The following KIAA0586 variants were observed in gnomAD, a reference collection of about 807,000 sequenced individuals.
The protein encoded by KIAA0586 is KIAA0586.
Under a neutral mutation model 169.8 loss-of-function variants are expected in KIAA0586, and 144 were observed. That is an observed-to-expected ratio of 0.85 (90% CI 0.74 to 0.97). The LOEUF (loss-of-function observed/expected upper bound fraction) is 0.97, where lower values mean the gene tolerates loss of function less well. Ranked by LOEUF, KIAA0586 falls within the 50% of genes least tolerant of loss-of-function variation. The pLI is 0.00. For missense variants in KIAA0586, 1,854 were observed against 1,823.0 expected (o/e 1.02, Z -0.31); for synonymous variants, 625 against 612.4 (o/e 1.02, Z -0.30).
chr14:58,548,025 G>A lies in KIAA0586; in HGVS notation c.*93G>A, dbSNP rs755277215. The A allele has an allele frequency of 1.4e-6, 2 of 1,392,958 alleles. No homozygotes were observed. The highest frequency in any genetic ancestry group is 1.9e-6 in the Non-Finnish European group (2 of 1,040,732). The allele number at this position is 1,392,958 out of a possible 1,614,324, so 86.3% of individuals were successfully genotyped here. On this transcript the variant is annotated 3_prime_UTR_variant, in exon 31 of 31. Coordinates refer to ENST00000652326, the MANE Select transcript of KIAA0586 (RefSeq NM_001329943.3). ...CCCTCTCTCAGACTGTTTGGTTTTT[G>A]AGCATATTCTGAAAAAAAAATTCCA...
At chr14:58,480,164 C>T (rs1390988982) in intron 20 of KIAA0586, among the ~76,000 whole-genome samples, 1 of 151,990 alleles carries the variant, frequency 6.6e-6, no homozygotes, top group Admixed American at 6.6e-5. Flanking sequence ...GGTTGGCCTT[C>T]TTTTGCCCTC....
chr14:58,482,978 T>C lies in KIAA0586; in HGVS notation c.3144+266T>C, dbSNP rs2147607. On this transcript the variant is annotated intron_variant, in intron 21 of 30. Coordinates refer to ENST00000652326, the MANE Select transcript of KIAA0586 (RefSeq NM_001329943.3). ...CCTTGTTGCTATGATTAAAGTAACGTTTCCCCCAGCATTTTATTTTAAAAA... is the reference window on the plus strand; with the variant it reads ...CCTTGTTGCTATGATTAAAGTAACGCTTCCCCCAGCATTTTATTTTAAAAA... Among the ~76,000 whole-genome samples the C allele has an allele frequency of 2.6e-3, 395 of 152,282 alleles. 1 individual carries two copies. The highest frequency in any genetic ancestry group is 0.011 in the East Asian group (55 of 5,180).
In KIAA0586 at chr14:58,488,493, T is replaced by G. The variant is rs186204242; in HGVS notation, c.3528-128T>G. On this transcript the variant is annotated intron_variant, in intron 23 of 30. Transcript: ENST00000652326. ...AACAACTTTTAAAAATCTTGTTAATTATAGTAGTGCAGATTTAAAAAAATA... is the reference window on the plus strand; with the variant it reads ...AACAACTTTTAAAAATCTTGTTAATGATAGTAGTGCAGATTTAAAAAAATA... The G allele has an allele frequency of 2.4e-5, 24 of 1,013,454 alleles. 1 individual carries two copies. The Admixed American group carries it at 5.9e-4, about 25-fold the overall frequency. The allele number at this position is 1,013,454 out of a possible 1,614,324, so 62.8% of individuals were successfully genotyped here. A position where few individuals can be genotyped will look rare whatever the true frequency, so the allele number is the denominator to read the frequency against.
chr14:58,430,637 A>G lies in KIAA0586; in HGVS notation c.271-11A>G, dbSNP rs752733321. On this transcript the variant is annotated splice_polypyrimidine_tract_variant and intron_variant, in intron 2 of 30. Coordinates refer to ENST00000652326, the MANE Select transcript of KIAA0586 (RefSeq NM_001329943.3). ...TTTATTTAGCCTATTTCTTCCTTTCATATCCCAAAGGATTTTTCTAAAGAC... is the reference window on the plus strand; with the variant it reads ...TTTATTTAGCCTATTTCTTCCTTTCGTATCCCAAAGGATTTTTCTAAAGAC... 28 of 1,563,250 alleles carry G rather than the reference A, an allele frequency of 1.8e-5. No homozygotes were observed. In the Admixed American group the frequency reaches 4.5e-4, roughly 25 times the overall value.
At chr14:58,477,096 C>G in intron 19 of KIAA0586, 27 bp from the exon 20 acceptor site, 1 of 1,279,306 alleles carries the variant, frequency 7.8e-7, no homozygotes, top group Non-Finnish European at 1.1e-6. Context: ...GGAATCTTAA[C>G]TTTTATCTGC....
At chr14:58,520,601 A>G (rs556427789) in intron 29 of KIAA0586, among the ~76,000 whole-genome samples, 17 of 152,168 alleles carry the variant, frequency 1.1e-4, no homozygotes, top group Admixed American at 9.8e-4. Context: ...GGCTCACTGC[A>G]GCCTCTGACC....
chr14:58,521,799 A>C, intron 29 of KIAA0586: 1 of 814,690 alleles, frequency 1.2e-6, no homozygotes, highest in Non-Finnish European at 2.2e-6. Flanking sequence ...CAGTAGTTCC[A>C]TGAAGAAAGA....
intron 26 of KIAA0586, among the ~76,000 whole-genome samples, chr14:58,493,673 TTAAAA>T (rs2042967221): frequency 6.6e-6 from 1 of 152,212 alleles, no homozygotes; most frequent in Non-Finnish European, 1.5e-5. Context: ...CCTTCTGAAT[TTAAAA>T]TAATTAAATT....
chr14:58,502,557 T>C (rs2043644743), intron 27 of KIAA0586, among the ~76,000 whole-genome samples: 1 of 152,138 alleles, frequency 6.6e-6, no homozygotes, highest in South Asian at 2.1e-4. Context: ...AAGGTGTAGA[T>C]ACCAGGAGGG....
Position 58,439,419 on chromosome 14 carries a change from C to A in KIAA0586, c.411-3287C>A, listed in dbSNP as rs1049247964. On this transcript the variant is annotated intron_variant, in intron 4 of 30. Transcript: ENST00000652326. Reference sequence around the variant, plus strand: ...AGCCAGGATGGTCTCGATCTCCTGACCTCGTGATCCGCCCGCCTCAGCCTC... The same window carrying A: ...AGCCAGGATGGTCTCGATCTCCTGAACTCGTGATCCGCCCGCCTCAGCCTC... Among the ~76,000 whole-genome samples, 12 of 152,190 alleles carry A rather than the reference C, an allele frequency of 7.9e-5. No individual in the cohort carries two copies. The East Asian group carries it at 1.2e-3, about 15-fold the overall frequency.
Position 58,444,028 on chromosome 14 carries a change from C to T in KIAA0586, c.660C>T (p.His220=), listed in dbSNP as rs555609562. Residue 220 remains histidine (H), a synonymous_variant, in exon 6 of 31, where the codon CAC becomes CAT. Transcript: ENST00000652326. ...LLSKLQETDK[H]LQRVTEQQTS... ...GTAAATTACAGGAGACTGATAAACA[C>T]CTGCAACGTGTTACAGAGCAGCAAA... The T allele has an allele frequency of 1.1e-4, 180 of 1,612,038 alleles. 1 individual carries two copies. The South Asian group carries it at 1.8e-3, about 16-fold the overall frequency.
rs1381890323 is a variant in KIAA0586 at position 58,460,013 on chromosome 14, T to G, written c.1827T>G (p.Phe609Leu). The G allele has an allele frequency of 1.3e-6, 2 of 1,534,752 alleles. No individual in the cohort carries two copies. The highest frequency in any genetic ancestry group is 2.5e-5 in the East Asian group (1 of 40,746). Residue 609 changes from phenylalanine to leucine, a missense_variant, in exon 13 of 31, where the codon TTT (phenylalanine) becomes TTG (leucine). Physicochemically the swap from Phe to Leu is conservative, Grantham distance 22 (BLOSUM62 0). Transcript: ENST00000652326. ...KHSQKQIEEH[F>L]RNLPMRGMPA... The stretch of plus-strand genomic sequence containing the variant: ...CTCAAAAGCAAATAGAAGAGCATTT[T>G]AGAAATCTACCTATGAGGGGCATGC...
At chr14:58,523,088 T>A (rs1193037594) in intron 29 of KIAA0586, among the ~76,000 whole-genome samples, 1 of 152,072 alleles carries the variant, frequency 6.6e-6, no homozygotes. Context: ...AACAGACAAA[T>A]GTGCGTAACT....
At position 58,487,981 on chromosome 14, in the gene KIAA0586, G is replaced by T. The variant is rs1409454378; in HGVS notation, c.3399G>T (p.Leu1133Phe). The T allele has an allele frequency of 6.2e-7, 1 of 1,613,332 alleles. No individual in the cohort carries two copies. Among genetic ancestry groups the T allele is most frequent in the South Asian group, 1.1e-5 (1 of 90,964 alleles). ...PPAAAVFTPT[L>F]SDISIDKLKV... is the part of the protein sequence containing the mutation. The stretch of plus-strand genomic sequence containing the variant: ...CGGCGGCAGTTTTTACCCCAACTTT[G>T]TCAGATATTTCCATTGATAAATTGA... Residue 1133 changes from leucine (L) to phenylalanine (F), a missense_variant, in exon 23 of 31, where the codon TTG (leucine) becomes TTT (phenylalanine). By Grantham distance (22) the Leu-to-Phe change is conservative. Transcript: ENST00000652326.
At chr14:58,485,549 A>G (rs1414001456) in intron 21 of KIAA0586, among the ~76,000 whole-genome samples, 4 of 152,134 alleles carry the variant, frequency 2.6e-5, no homozygotes, top group African/African-American at 7.2e-5. Flanking sequence ...TATTCCATAG[A>G]TATATCCATA....
intron 21 of KIAA0586, among the ~76,000 whole-genome samples, chr14:58,484,869 T>A (rs1566876459): frequency 1.0e-5 from 1 of 97,532 alleles, no homozygotes; most frequent in African/African-American, 3.7e-5. Flanking sequence ...AAGTCAAATT[T>A]TATATATATT....
At chr14:58,480,737 G>A (rs553642042) in intron 20 of KIAA0586, among the ~76,000 whole-genome samples, 2 of 152,250 alleles carry the variant, frequency 1.3e-5, no homozygotes, top group South Asian at 4.1e-4. Context: ...GCTTCATAGA[G>A]TTTATTGTTG....
intron 26 of KIAA0586, among the ~76,000 whole-genome samples, chr14:58,492,879 G>T (rs538842152): frequency 6.6e-6 from 1 of 152,314 alleles, no homozygotes; most frequent in East Asian, 1.9e-4. Context: ...AGCATATTTG[G>T]AAAGTATTGA....
chr14:58,452,672 A>G (rs905362268), intron 8 of KIAA0586, among the ~76,000 whole-genome samples: 11 of 152,116 alleles, frequency 7.2e-5, no homozygotes, highest in African/African-American at 2.4e-5. Flanking sequence ...GGGTTTTTCT[A>G]TGAATTCAAC....
Sources: allele counts gnomAD v4.1 joint callset (sites outside exome capture counted in the v4.1 genomes callset), GRCh38; gene constraint gnomAD v4.1.1; transcripts MANE v1.5; gene names NCBI Gene and HGNC (gene_info 2026-07-23, HGNC 2026-07-21).